The following QSOX2 variants were observed in gnomAD, a reference collection of about 807,000 sequenced individuals.
QSOX2 encodes the protein quiescin sulfhydryl oxidase 2.
A neutral mutation model predicts 61.7 loss-of-function variants in QSOX2; 46 were observed. The observed-to-expected ratio is 0.75, with a 90% CI of 0.59 to 0.95. The LOEUF (loss-of-function observed/expected upper bound fraction) is 0.95, where lower values mean the gene tolerates loss of function less well. Among genes scored for constraint, QSOX2 ranks in the 40% least tolerant of loss-of-function variants. QSOX2 has a pLI of 0.00. For missense variants in QSOX2, 879 were observed against 918.9 expected (o/e 0.96, Z 0.56); for synonymous variants, 383 against 388.4 (o/e 0.99, Z 0.16).
chr9:136,232,286 C>T (rs62579027), intron 1 of QSOX2, among the ~76,000 whole-genome samples: 2,410 of 152,308 alleles, frequency 0.016, 40 homozygotes, highest in South Asian at 0.029. Flanking sequence ...CTCCTGTCCC[C>T]TCCTCTTCGT....
intron 1 of QSOX2, among the ~76,000 whole-genome samples, chr9:136,235,846 G>T (rs1420310959): frequency 6.6e-6 from 1 of 152,204 alleles, no homozygotes; most frequent in Non-Finnish European, 1.5e-5. Context: ...ACACAGAAAG[G>T]CATGGGTCTC....
At chr9:136,220,646 A>G (rs1348740054) in intron 6 of QSOX2, among the ~76,000 whole-genome samples, 1 of 151,828 alleles carries the variant, frequency 6.6e-6, no homozygotes, top group Non-Finnish European at 1.5e-5. Flanking sequence ...CTTCTCCCCA[A>G]GGTGAGGAGG....
At chr9:136,224,276 A>C (rs1019188980) in intron 3 of QSOX2, among the ~76,000 whole-genome samples, 164 bp from the exon 4 acceptor site, 1 of 152,252 alleles carries the variant, frequency 6.6e-6, no homozygotes, top group African/African-American at 2.4e-5. Context: ...TGCCACCCAC[A>C]GGCGTGGTAC....
chr9:136,208,624 C>G lies in QSOX2; in HGVS notation c.*104G>C. ...GTGCCATCCGATGTGAAACCAGGCC[C>G]GCATGTTTATAAAATCCCTGATCAT... On this transcript the variant is annotated 3_prime_UTR_variant, in exon 12 of 12. Coordinates refer to ENST00000358701, the MANE Select transcript of QSOX2 (RefSeq NM_181701.4). The G allele has an allele frequency of 7.4e-7, 1 of 1,360,058 alleles. No homozygotes were observed. The highest frequency in any genetic ancestry group is 9.8e-7 in the Non-Finnish European group (1 of 1,018,604). The allele number at this position is 1,360,058 out of a possible 1,614,324, so 84.2% of individuals were successfully genotyped here.
chr9:136,241,570 C>T (rs1830433732), intron 1 of QSOX2, among the ~76,000 whole-genome samples: 2 of 152,290 alleles, frequency 1.3e-5, no homozygotes, highest in South Asian at 4.1e-4. Context: ...TACAAAGACA[C>T]AGGAATGAAC....
In QSOX2 at chr9:136,212,716, C is replaced by T. The variant is rs528931441; in HGVS notation, c.1361-1264G>A. On this transcript the variant is annotated intron_variant, in intron 10 of 11. Coordinates refer to ENST00000358701, the MANE Select transcript of QSOX2 (RefSeq NM_181701.4). ...GTAATCCCCCTCCTCTTCCCCACAT[C>T]ACCGCAGGCGCGGGGCCACCCTAAT... Among the ~76,000 whole-genome samples the T allele has an allele frequency of 4.6e-5, 7 of 152,332 alleles. 1 individual carries two copies. In the South Asian group the frequency reaches 1.4e-3, roughly 32 times the overall value.
At position 136,216,654 on chromosome 9, in the gene QSOX2, G is replaced by A. The variant is rs1564290632; in HGVS notation, c.1155C>T (p.Pro385=). The stretch of plus-strand genomic sequence containing the variant: ...CGGCGTTGTAGGGGATCCTGTCCAG[G>A]GGAAGGCTGGCCAGCCACTCCTGCA... ...EMLQEWLASL[P]LDRIPYNAVL... Residue 385 remains proline (P), a synonymous_variant, in exon 9 of 12, where the codon CCC becomes CCT. Transcript: ENST00000358701. 1.2e-6 allele frequency: 2 copies of A among 1,613,844 alleles called. No homozygotes were observed. The highest frequency in any genetic ancestry group is 1.7e-6 in the Non-Finnish European group (2 of 1,179,994).
rs1831770761 is a variant in QSOX2, at chr9:136,206,837, A to C, written c.*1891T>G. 6.6e-6 allele frequency: 1 copy of C among 152,398 alleles called. No homozygotes were observed. Among genetic ancestry groups the C allele is most frequent in the Non-Finnish European group, 1.5e-5 (1 of 68,058 alleles). The allele number at this position is 152,398 out of a possible 1,614,324, so 9.4% of individuals were successfully genotyped here. ...GTAAACCACAACACCGTCCCAGGTC[A>C]CTCCAGGTCACCCCAGCTAAAGACA... is the stretch of plus-strand genomic sequence containing the variant. On this transcript the variant is annotated 3_prime_UTR_variant, in exon 12 of 12. Coordinates refer to ENST00000358701, the MANE Select transcript of QSOX2 (RefSeq NM_181701.4).
intron 1 of QSOX2, 114 bp downstream of exon 1, chr9:136,245,362 G>A (rs1376174908): frequency 1.1e-6 from 1 of 877,516 alleles, no homozygotes; most frequent in Non-Finnish European, 1.7e-6. Flanking sequence ...TCTGCGGTAA[G>A]GAAAGAAATA....
chr9:136,237,820 A>G (rs1323883667), intron 1 of QSOX2, among the ~76,000 whole-genome samples: 1 of 152,252 alleles, frequency 6.6e-6, no homozygotes, highest in Non-Finnish European at 1.5e-5. Flanking sequence ...AATTTTCCAA[A>G]AGCTAAACAC....
At position 136,211,132 on chromosome 9, in the gene QSOX2, G is replaced by A. The variant is rs1032249264; in HGVS notation, c.1549+132C>T. ...TCTCAGCCACCCAAGTCCTGATCCC[G>A]TCAGCACAGTGGGTGGCACGAGGCC... On this transcript the variant is annotated intron_variant, in intron 11 of 11. Coordinates refer to ENST00000358701, the MANE Select transcript of QSOX2 (RefSeq NM_181701.4). 2.0e-5 allele frequency: 20 copies of A among 1,022,178 alleles called. No homozygotes were observed. The African/African-American group carries it at 2.4e-4, about 12-fold the overall frequency. 63.3% of individuals were successfully genotyped at this position (1,022,178 alleles called of 1,614,324 possible). A position where few individuals can be genotyped will look rare whatever the true frequency, so the allele number is the denominator to read the frequency against.
rs549137824 is a variant in QSOX2 at position 136,223,552 on chromosome 9, G to A, written c.675+211C>T. Among the ~76,000 whole-genome samples the A allele has an allele frequency of 1.3e-5, 2 of 152,168 alleles. No homozygotes were observed. Among genetic ancestry groups the A allele is most frequent in the African/African-American group, 4.8e-5 (2 of 41,518 alleles). On this transcript the variant is annotated intron_variant, in intron 5 of 11. Transcript: ENST00000358701. This position sits in a 1 kb window ranked among gnomAD's most constrained non-coding sequence, Gnocchi z 4.4. The stretch of plus-strand genomic sequence containing the variant: ...GGCCACCTTCTGAACCCCTCCCACC[G>A]CCAAGCTCATTCATCCTAACAGTCT...
At chr9:136,218,436 C>T (rs1329168532) in intron 8 of QSOX2, among the ~76,000 whole-genome samples, 1 of 152,186 alleles carries the variant, frequency 6.6e-6, no homozygotes, top group African/African-American at 2.4e-5. Flanking sequence ...AGCAGGTGCT[C>T]GGCTCACACC....
At chr9:136,245,098 T>C (rs1315419407) in intron 1 of QSOX2, among the ~76,000 whole-genome samples, 4 of 152,146 alleles carry the variant, frequency 2.6e-5, no homozygotes, top group Non-Finnish European at 5.9e-5. Flanking sequence ...GTAGGAGGCC[T>C]GGAAGGTCAA....
intron 8 of QSOX2, among the ~76,000 whole-genome samples, chr9:136,217,386 T>G (rs1831927260): frequency 6.6e-6 from 1 of 152,110 alleles, no homozygotes; most frequent in South Asian, 2.1e-4. Flanking sequence ...CGGGTGGCAA[T>G]GCCAGACCAG....
intron 10 of QSOX2, among the ~76,000 whole-genome samples, chr9:136,212,039 G>A (rs1359073230): frequency 6.6e-6 from 1 of 152,234 alleles, no homozygotes; most frequent in East Asian, 1.9e-4. Context: ...GGAGCAGGTG[G>A]GCAGGCACAG....
intron 1 of QSOX2, among the ~76,000 whole-genome samples, chr9:136,228,046 T>G (rs1564294672): frequency 6.6e-6 from 1 of 152,212 alleles, no homozygotes; most frequent in Non-Finnish European, 1.5e-5. Flanking sequence ...GTCCTGGCAC[T>G]TTCCTTCTCT....
intron 1 of QSOX2, among the ~76,000 whole-genome samples, chr9:136,234,153 C>T (rs1017832662): frequency 6.6e-6 from 1 of 152,224 alleles, no homozygotes; most frequent in Non-Finnish European, 1.5e-5. Context: ...CCACCTGGGG[C>T]ACTTCCTGAG....
chr9:136,218,976 C>G (rs1006708210), intron 7 of QSOX2, 54 bp downstream of exon 7: 1 of 1,597,016 alleles, frequency 6.3e-7, no homozygotes, highest in Non-Finnish European at 8.6e-7. Flanking sequence ...AAGCACGCAG[C>G]CTTCGGTCTA....
Sources: allele counts gnomAD v4.1 joint callset (sites outside exome capture counted in the v4.1 genomes callset), GRCh38; gene constraint gnomAD v4.1.1; non-coding constraint Gnocchi (gnomAD v3.1); transcripts MANE v1.5; gene names NCBI Gene and HGNC (gene_info 2026-07-23, HGNC 2026-07-21).